Variants in EVC observed in about 807,000 individuals in gnomAD.
EVC encodes EvC ciliary complex subunit 1.
Under a neutral mutation model 118.9 loss-of-function variants are expected in EVC, and 116 were observed. The ratio of observed to expected loss-of-function variants is 0.98; its 90% CI spans 0.84 to 1.14. EVC has a LOEUF of 1.14. Ranked by LOEUF, EVC falls within the 50% of genes most tolerant of loss-of-function variation. EVC has a pLI of 0.00. For synonymous variants in EVC, 619 were observed against 534.7 expected (o/e 1.16, Z -2.18); for missense variants, 1,401 against 1,246.4 (o/e 1.12, Z -1.87).
chr4:5,784,693 C>T (rs1016342790), intron 12 of EVC, among the ~76,000 whole-genome samples: 19 of 150,690 alleles, frequency 1.3e-4, no homozygotes, highest in Non-Finnish European at 1.9e-4. Context: ...CTGCAACCTC[C>T]GCCTCCCAGG....
In EVC at chr4:5,755,236, C is replaced by T. The variant is rs1308391672; in HGVS notation, c.1465-1028C>T. 2.0e-5 allele frequency among the ~76,000 whole-genome samples: 3 copies of T among 152,168 alleles called. No homozygotes were observed. Among genetic ancestry groups the T allele is most frequent in the Admixed American group, 6.5e-5 (1 of 15,286 alleles). On this transcript the variant is annotated intron_variant, in intron 10 of 20. Coordinates refer to ENST00000264956, the MANE Select transcript of EVC (RefSeq NM_153717.3). This position sits in a 1 kb window ranked among gnomAD's most constrained non-coding sequence, Gnocchi z 4.1. ...ATTTCTGGGCCCCTGTCCTTGATGTCACAGAGCCCAGTGTGAGTCCAGAGT... is the reference window on the plus strand; with the variant it reads ...ATTTCTGGGCCCCTGTCCTTGATGTTACAGAGCCCAGTGTGAGTCCAGAGT...
intron 13 of EVC, among the ~76,000 whole-genome samples, chr4:5,796,331 A>AT (rs1713962918): frequency 6.6e-6 from 1 of 151,990 alleles, no homozygotes; most frequent in African/African-American, 2.4e-5. Flanking sequence ...TCGTCTGGGT[A>AT]TTTTTATTGG....
chr4:5,811,970 TCA>T lies in EVC; in HGVS notation c.*939_*940del, dbSNP rs1239552671. ...GCCTGGAAACTTCCGGACAAGCCTC[TCA>T]CACACCACAGCCAGGAGAGGCCTTT... On this transcript the variant is annotated 3_prime_UTR_variant, in exon 21 of 21. Transcript: ENST00000264956. 8 of 119,508 alleles carry T rather than the reference TCA, an allele frequency of 6.7e-5. No homozygotes were observed. The highest frequency in any genetic ancestry group is 2.5e-4 in the South Asian group (1 of 4,028). The allele number at this position is 119,508 out of a possible 1,614,324, so 7.4% of individuals were successfully genotyped here.
Position 5,756,397 on chromosome 4 carries a change from C to T in EVC, c.1563+35C>T, listed in dbSNP as rs757043948. On this transcript the variant is annotated intron_variant, in intron 11 of 20. Coordinates refer to ENST00000264956, the MANE Select transcript of EVC (RefSeq NM_153717.3). This position sits in a 1 kb window ranked among gnomAD's most constrained non-coding sequence, Gnocchi z 4.2. The stretch of plus-strand genomic sequence containing the variant: ...CTCTGTGGGGACCAGCAGAGAAGCC[C>T]CAGGGTCTGTGTGTGTGCGAGAACC... The T allele has an allele frequency of 5.8e-6, 9 of 1,555,220 alleles. No homozygotes were observed. The highest frequency in any genetic ancestry group is 4.6e-5 in the East Asian group (2 of 43,758).
downstream of EVC, among the ~76,000 whole-genome samples, chr4:5,814,791 C>T (rs1462857148): frequency 6.6e-6 from 1 of 152,046 alleles, no homozygotes; most frequent in Middle Eastern, 3.4e-3. Flanking sequence ...TGCCCAGTGG[C>T]TCCTAGCCAC....
intron 2 of EVC, among the ~76,000 whole-genome samples, chr4:5,721,736 G>A (rs957302284): frequency 1.3e-5 from 2 of 152,076 alleles, no homozygotes; most frequent in Admixed American, 6.6e-5. Context: ...GTGTGGTGGT[G>A]CATGCCTGTA....
At chr4:5,720,822 C>T (rs1242170677) in intron 2 of EVC, among the ~76,000 whole-genome samples, 1 of 152,182 alleles carries the variant, frequency 6.6e-6, no homozygotes, top group East Asian at 1.9e-4. Flanking sequence ...TGATAATGGG[C>T]ATCTGCTAGG....
At chr4:5,771,044 A>C (rs1472302712) in intron 11 of EVC, among the ~76,000 whole-genome samples, 1 of 152,058 alleles carries the variant, frequency 6.6e-6, no homozygotes, top group Non-Finnish European at 1.5e-5. Flanking sequence ...ACATCAATGC[A>C]TCAGCTAAAC....
intron 11 of EVC, among the ~76,000 whole-genome samples, chr4:5,771,572 G>A (rs1391494959): frequency 6.6e-6 from 1 of 152,144 alleles, no homozygotes; most frequent in African/African-American, 2.4e-5. Context: ...TGTGTACCAC[G>A]GAGAAAAACA....
intron 8 of EVC, among the ~76,000 whole-genome samples, chr4:5,750,072 G>A (rs1049178555): frequency 6.6e-6 from 1 of 151,942 alleles, no homozygotes; most frequent in Admixed American, 6.6e-5. Context: ...TGTCAACACT[G>A]CCGAAAGATA....
At chr4:5,796,205 A>C (rs564198337) in intron 13 of EVC, among the ~76,000 whole-genome samples, 2 of 151,622 alleles carry the variant, frequency 1.3e-5, no homozygotes, top group African/African-American at 4.8e-5. Flanking sequence ...TTATCATTTA[A>C]TTTCTGGAAC....
rs531534801 is a variant in EVC at position 5,807,949 on chromosome 4, C to T, written c.2562-252C>T. Among the ~76,000 whole-genome samples the T allele has an allele frequency of 1.5e-3, 225 of 152,286 alleles. 1 individual carries two copies. Among genetic ancestry groups the T allele is most frequent in the African/African-American group, 5.1e-3 (212 of 41,554 alleles). On this transcript the variant is annotated intron_variant, in intron 17 of 20. Coordinates refer to ENST00000264956, the MANE Select transcript of EVC (RefSeq NM_153717.3). ...TCCTGCTGGTGTCATGAAGCTCCTC[C>T]GAAGATCACATGCAAAGTGTGTGGG...
At chr4:5,816,762 T>A (rs894406913), downstream of EVC, among the ~76,000 whole-genome samples, 1 of 150,424 alleles carries the variant, frequency 6.6e-6, no homozygotes, top group Non-Finnish European at 1.5e-5. Flanking sequence ...ATCTGTGGGC[T>A]CTGCCTCCTC....
intron 17 of EVC, 62 bp downstream of exon 17, chr4:5,804,903 C>T (rs543002039): frequency 1.1e-5 from 16 of 1,416,086 alleles, no homozygotes; most frequent in Admixed American, 1.7e-5. Flanking sequence ...TGGCATATCT[C>T]TCTGTGGTGC....
chr4:5,791,896 C>T (rs1217950161), intron 12 of EVC, among the ~76,000 whole-genome samples: 1 of 152,214 alleles, frequency 6.6e-6, no homozygotes, highest in African/African-American at 2.4e-5. Context: ...CCCTCCCCAG[C>T]CCACACCTGG....
chr4:5,826,687 A>C, the EVC span: 1 of 152,250 alleles, frequency 6.6e-6, no homozygotes, highest in East Asian at 1.9e-4. Context: ...GTGTTCAGGG[A>C]CCTGTACAGG....
chr4:5,767,424 C>T (rs1359368648), intron 11 of EVC, among the ~76,000 whole-genome samples: 1 of 149,760 alleles, frequency 6.7e-6, no homozygotes. Flanking sequence ...GTGGTGGGCT[C>T]CACCCAGTTG....
At chr4:5,786,702 T>C (rs1168325332) in intron 12 of EVC, among the ~76,000 whole-genome samples, 1 of 152,054 alleles carries the variant, frequency 6.6e-6, no homozygotes, top group Non-Finnish European at 1.5e-5. Flanking sequence ...TGAAACCCCG[T>C]CTCTACTAAA....
chr4:5,729,783 T>C (rs1726489712), intron 3 of EVC, among the ~76,000 whole-genome samples: 1 of 152,194 alleles, frequency 6.6e-6, no homozygotes, highest in African/African-American at 2.4e-5. Context: ...GTTAAGTATT[T>C]GTCATGCATC....
Sources: gnomAD v4.1 joint callset for allele counts (sites outside exome capture counted in the v4.1 genomes callset) on GRCh38, gnomAD v4.1.1 for gene constraint, Gnocchi (gnomAD v3.1) non-coding constraint, MANE v1.5 for transcripts, NCBI Gene and HGNC (gene_info 2026-07-23, HGNC 2026-07-21) for gene names.